SLC35F4: variants seen among roughly 807,000 people sequenced by gnomAD.
The protein encoded by SLC35F4 is chromosome 14 open reading frame 36.
Under a neutral mutation model 44.2 loss-of-function variants are expected in SLC35F4, and 24 were observed. The ratio of observed to expected loss-of-function variants is 0.54; its 90% CI spans 0.39 to 0.76. SLC35F4 has a LOEUF of 0.76. SLC35F4 is among the 30% of genes least tolerant of loss of function. The pLI is 0.00. For missense variants in SLC35F4, 562 were observed against 586.1 expected (o/e 0.96, Z 0.42); for synonymous variants, 238 against 223.6 (o/e 1.06, Z -0.57).
intron 1 of SLC35F4, among the ~76,000 whole-genome samples, chr14:57,769,345 T>C (rs2077306363): frequency 6.6e-6 from 1 of 152,124 alleles, no homozygotes; most frequent in Admixed American, 6.6e-5. Flanking sequence ...GTGCATGTTT[T>C]CCTTGCAACT....
At chr14:57,921,109 G>T (rs1395787136) in intron 1 of SLC35F4, among the ~76,000 whole-genome samples, 1 of 152,212 alleles carries the variant, frequency 6.6e-6, no homozygotes, top group Non-Finnish European at 1.5e-5. Context: ...TCAGGAGATT[G>T]TTCATCTCAC....
chr14:57,577,112 C>G (rs893957988), intron 4 of SLC35F4, among the ~76,000 whole-genome samples: 4 of 152,120 alleles, frequency 2.6e-5, no homozygotes, highest in African/African-American at 9.7e-5. Context: ...GAGCCAAAGG[C>G]AAGATGGAAA....
At chr14:57,743,675 A>T (rs950217898) in intron 1 of SLC35F4, among the ~76,000 whole-genome samples, 15 of 152,218 alleles carry the variant, frequency 9.9e-5, no homozygotes, top group Non-Finnish European at 2.2e-4. Flanking sequence ...ATTCCTTCTG[A>T]AACTATTCCA....
intron 1 of SLC35F4, among the ~76,000 whole-genome samples, chr14:57,697,005 G>A (rs1006397389): frequency 6.6e-6 from 1 of 152,142 alleles, no homozygotes; most frequent in Non-Finnish European, 1.5e-5. Flanking sequence ...GTTGATAGGT[G>A]CAGCAAACTA....
At chr14:57,803,181 T>G (rs770776873) in intron 1 of SLC35F4, among the ~76,000 whole-genome samples, 36 of 152,080 alleles carry the variant, frequency 2.4e-4, no homozygotes, top group Non-Finnish European at 4.7e-4. Flanking sequence ...ATTCATCATA[T>G]AAACATAACT....
chr14:57,977,375 CGAGTCT>C (rs1881249511), intron 1 of SLC35F4, among the ~76,000 whole-genome samples: 2 of 152,120 alleles, frequency 1.3e-5, no homozygotes, highest in Non-Finnish European at 2.9e-5. Context: ...GATGGTGTAT[CGAGTCT>C]GACAAGACCC....
intron 1 of SLC35F4, among the ~76,000 whole-genome samples, chr14:57,621,168 G>A (rs1249621476): frequency 1.3e-5 from 2 of 151,610 alleles, no homozygotes; most frequent in Non-Finnish European, 1.5e-5. Context: ...AAACAAAAGA[G>A]GATACAAACA....
chr14:57,891,075 C>T (rs1205833558), intron 1 of SLC35F4, among the ~76,000 whole-genome samples: 1 of 152,040 alleles, frequency 6.6e-6, no homozygotes, highest in African/African-American at 2.4e-5. Context: ...AGGAATGGAC[C>T]AAATCACTGA....
intron 1 of SLC35F4, among the ~76,000 whole-genome samples, chr14:57,646,312 T>G (rs940503016): frequency 1.5e-4 from 23 of 152,260 alleles, no homozygotes; most frequent in Admixed American, 5.9e-4. Flanking sequence ...CCTGTTATTG[T>G]TCTATTCAGA....
At chr14:57,923,887 C>T (rs1016453755) in intron 1 of SLC35F4, among the ~76,000 whole-genome samples, 1 of 152,206 alleles carries the variant, frequency 6.6e-6, no homozygotes, top group South Asian at 2.1e-4. Flanking sequence ...TGTCCCCACC[C>T]AAATCTTATC....
At chr14:57,855,108 G>A (rs1205252067) in intron 1 of SLC35F4, among the ~76,000 whole-genome samples, 1 of 152,186 alleles carries the variant, frequency 6.6e-6, no homozygotes, top group Non-Finnish European at 1.5e-5. Context: ...TGAACTGGAT[G>A]TTGTTCCAGA....
chr14:57,674,406 G>A (rs1227328480), intron 1 of SLC35F4, among the ~76,000 whole-genome samples: 3 of 152,078 alleles, frequency 2.0e-5, no homozygotes, highest in Non-Finnish European at 2.9e-5. Flanking sequence ...TTCACAAAAA[G>A]ATGTGTACAA....
chr14:57,596,992 A>T, intron 1 of SLC35F4: 1 of 802,910 alleles, frequency 1.2e-6, no homozygotes, highest in Non-Finnish European at 1.8e-6. Context: ...TGATACAATT[A>T]TCTCCAATCC....
chr14:57,754,341 G>A (rs1024303203), intron 1 of SLC35F4, among the ~76,000 whole-genome samples: 2 of 152,022 alleles, frequency 1.3e-5, no homozygotes, highest in African/African-American at 4.8e-5. Context: ...CTGACCTCAG[G>A]TGATCCATCC....
chr14:57,894,070 C>A (rs1014715317), intron 1 of SLC35F4, among the ~76,000 whole-genome samples: 2 of 152,082 alleles, frequency 1.3e-5, no homozygotes, highest in Admixed American at 1.3e-4. Context: ...TAGAAGATAG[C>A]AAATGGAGAC....
chr14:57,969,474 T>C (rs982759965), intron 1 of SLC35F4, among the ~76,000 whole-genome samples: 1 of 152,328 alleles, frequency 6.6e-6, no homozygotes, highest in African/African-American at 2.4e-5. Flanking sequence ...GAAAGAGAAA[T>C]TTTTAAGTGT....
intron 1 of SLC35F4, among the ~76,000 whole-genome samples, chr14:57,906,065 A>T (rs1359124647): frequency 1.3e-5 from 2 of 152,224 alleles, no homozygotes; most frequent in Non-Finnish European, 2.9e-5. Context: ...CTAGCACTGT[A>T]GGCATGAGGA....
chr14:57,600,562 G>C (rs889400442), intron 1 of SLC35F4, among the ~76,000 whole-genome samples: 1 of 146,524 alleles, frequency 6.8e-6, no homozygotes, highest in African/African-American at 2.5e-5. Flanking sequence ...CGTAGTGGCG[G>C]GCGCCTGTAG....
chr14:57,624,717 C>T (rs1228061695), intron 1 of SLC35F4, among the ~76,000 whole-genome samples: 2 of 152,166 alleles, frequency 1.3e-5, no homozygotes, highest in East Asian at 1.9e-4. Flanking sequence ...ATGATTATCT[C>T]AATAGATGCA....
Sources: allele counts gnomAD v4.1 joint callset (sites outside exome capture counted in the v4.1 genomes callset), GRCh38; gene constraint gnomAD v4.1.1; transcripts MANE v1.5; gene names NCBI Gene and HGNC (gene_info 2026-07-23, HGNC 2026-07-21).